The following IQSEC1 variants were observed in gnomAD, a reference collection of about 807,000 sequenced individuals.
The protein encoded by IQSEC1 is IQ motif and Sec7 domain ArfGEF 1, also known as IQ motif and SEC7 domain-containing protein 1.
A neutral mutation model predicts 91.0 loss-of-function variants in IQSEC1; 31 were observed. The observed-to-expected ratio is 0.34, with a 90% CI of 0.26 to 0.46. The LOEUF (loss-of-function observed/expected upper bound fraction) is 0.46, where lower values mean the gene tolerates loss of function less well. Ranked by LOEUF, IQSEC1 falls within the 20% of genes least tolerant of loss-of-function variation. The pLI is 1.00. For missense variants in IQSEC1, 1,388 were observed against 1,575.6 expected (o/e 0.88, Z 2.02); for synonymous variants, 699 against 662.6 (o/e 1.05, Z -0.84).
chr3:13,053,441 A>G (rs931339412), intron 1 of IQSEC1, among the ~76,000 whole-genome samples: 2 of 152,226 alleles, frequency 1.3e-5, no homozygotes, highest in African/African-American at 4.8e-5. Context: ...ACCTGGATCC[A>G]GGCCTCAGGG....
chr3:13,236,038 C>T (rs1694922843), intron 1 of IQSEC1, among the ~76,000 whole-genome samples: 1 of 152,130 alleles, frequency 6.6e-6, no homozygotes, highest in Admixed American at 6.5e-5. Flanking sequence ...TGGATCTTGC[C>T]CCATGGGGCC....
chr3:13,197,117 T>C (rs1351957729), intron 1 of IQSEC1, among the ~76,000 whole-genome samples: 1 of 152,142 alleles, frequency 6.6e-6, no homozygotes, highest in Admixed American at 6.5e-5. Flanking sequence ...CTACCTCCTC[T>C]TGGGACTGTG....
chr3:13,105,059 G>A (rs1300075054), intron 2 of IQSEC1, among the ~76,000 whole-genome samples: 1 of 152,316 alleles, frequency 6.6e-6, no homozygotes, highest in South Asian at 2.1e-4. Flanking sequence ...CAGGCCAGGG[G>A]CAGTCTGTCG....
chr3:13,243,357 G>A (rs1426015879), intron 1 of IQSEC1, among the ~76,000 whole-genome samples: 1 of 152,138 alleles, frequency 6.6e-6, no homozygotes, highest in African/African-American at 2.4e-5. Context: ...GCTGACCCTC[G>A]GACGAAGGGC....
intron 3 of IQSEC1, among the ~76,000 whole-genome samples, chr3:12,925,730 A>T (rs1399564438): frequency 1.3e-5 from 2 of 152,164 alleles, no homozygotes; most frequent in East Asian, 1.9e-4. Flanking sequence ...CTGGGCAGGG[A>T]TGTGCATAGG....
chr3:13,269,757 G>A (rs1695561282), intron 1 of IQSEC1, among the ~76,000 whole-genome samples: 2 of 152,384 alleles, frequency 1.3e-5, no homozygotes, highest in South Asian at 2.1e-4. Context: ...GCCTTGACAG[G>A]GAGAAGTGAC....
intron 2 of IQSEC1, among the ~76,000 whole-genome samples, chr3:13,105,473 T>C (rs1174558872): frequency 6.6e-6 from 1 of 152,078 alleles, no homozygotes; most frequent in African/African-American, 2.4e-5. Flanking sequence ...ACCTCTGGCT[T>C]TGAGAAAACC....
intron 1 of IQSEC1, among the ~76,000 whole-genome samples, chr3:13,030,112 TTTTTTTA>T (rs1703788837): frequency 6.6e-6 from 1 of 152,286 alleles, no homozygotes; most frequent in Admixed American, 6.5e-5. Flanking sequence ...TCTAAAATCT[TTTTTTTA>T]TACAGTCTAA....
chr3:13,250,657 C>T (rs766830734), intron 1 of IQSEC1, among the ~76,000 whole-genome samples: 2 of 151,194 alleles, frequency 1.3e-5, no homozygotes, highest in African/African-American at 4.9e-5. Context: ...AGTAGAGACA[C>T]GGTTTCGCCA....
intron 1 of IQSEC1, among the ~76,000 whole-genome samples, chr3:13,031,331 AG>A (rs1185420732): frequency 6.6e-6 from 1 of 152,242 alleles, no homozygotes; most frequent in Non-Finnish European, 1.5e-5. Context: ...CTGGTAGACA[AG>A]GGCCCCTGCC....
chr3:13,154,585 C>T (rs978629034), intron 2 of IQSEC1, among the ~76,000 whole-genome samples: 1 of 148,464 alleles, frequency 6.7e-6, no homozygotes, highest in Non-Finnish European at 1.5e-5. Context: ...ACAACCAGAC[C>T]GGAGATAAGT....
At chr3:13,121,987 G>T (rs557855419) in intron 2 of IQSEC1, among the ~76,000 whole-genome samples, 1 of 152,354 alleles carries the variant, frequency 6.6e-6, no homozygotes, top group African/African-American at 2.4e-5. Flanking sequence ...AGTTCAGGTC[G>T]GCCAGGCGCA....
In IQSEC1 at chr3:12,953,558, G is replaced by A. The variant is rs375857307; in HGVS notation, c.24-11693C>T. On this transcript the variant is annotated intron_variant, in intron 1 of 13. Coordinates refer to ENST00000613206, the MANE Select transcript of IQSEC1 (RefSeq NM_001134382.3). ...AGCGGGAGGCTATTTTTAGAGCTTTGCTGACTGATCCAACATTGAGCATCT... is the reference window on the plus strand; with the variant it reads ...AGCGGGAGGCTATTTTTAGAGCTTTACTGACTGATCCAACATTGAGCATCT... Among the ~76,000 whole-genome samples, 13 of 152,352 alleles carry A rather than the reference G, an allele frequency of 8.5e-5. 1 individual carries two copies. The highest frequency in any genetic ancestry group is 5.2e-4 in the Admixed American group (8 of 15,308).
At chr3:13,218,489 T>G (rs150444856) in intron 1 of IQSEC1, among the ~76,000 whole-genome samples, 14 of 152,330 alleles carry the variant, frequency 9.2e-5, no homozygotes, top group Middle Eastern at 3.4e-3. Context: ...AACAGAGTCT[T>G]TGGCGGGAGG....
chr3:12,987,937 T>C (rs566697094), intron 1 of IQSEC1, among the ~76,000 whole-genome samples: 1 of 152,162 alleles, frequency 6.6e-6, no homozygotes, highest in Non-Finnish European at 1.5e-5. Context: ...ATGCCCAGTG[T>C]GGGGTTGGGG....
rs1017609569 is a variant in IQSEC1 at position 12,950,434 on chromosome 3, G to A, written c.24-8569C>T. ...TGCAATCCTAGCACTTTGGGAGGCC[G>A]AGGTGGGACACTGCTTGAGGCCAGG... On this transcript the variant is annotated intron_variant, in intron 1 of 13. Coordinates refer to ENST00000613206, the MANE Select transcript of IQSEC1 (RefSeq NM_001134382.3). 3.3e-5 allele frequency among the ~76,000 whole-genome samples: 5 copies of A among 152,294 alleles called. No homozygotes were observed. In the East Asian group the frequency reaches 5.8e-4, roughly 18 times the overall value.
intron 1 of IQSEC1, among the ~76,000 whole-genome samples, chr3:13,071,863 C>T (rs1276403205): frequency 4.6e-5 from 7 of 152,008 alleles, no homozygotes; most frequent in Non-Finnish European, 1.0e-4. Context: ...CACCGCCATC[C>T]CCCGAACCAG....
intron 1 of IQSEC1, among the ~76,000 whole-genome samples, chr3:12,980,097 G>A (rs1333707557): frequency 6.6e-6 from 1 of 152,144 alleles, no homozygotes; most frequent in Non-Finnish European, 1.5e-5. Flanking sequence ...TTGGGCCCAG[G>A]AGCACCTTCT....
At chr3:13,045,002 G>A (rs1187667275) in intron 1 of IQSEC1, among the ~76,000 whole-genome samples, 6 of 152,248 alleles carry the variant, frequency 3.9e-5, no homozygotes, top group Non-Finnish European at 7.3e-5. Flanking sequence ...GGGGAACATT[G>A]ATCCTGGCCC....
Sources: gnomAD v4.1 joint callset for allele counts (sites outside exome capture counted in the v4.1 genomes callset) on GRCh38, gnomAD v4.1.1 for gene constraint, MANE v1.5 for transcripts, NCBI Gene and HGNC (gene_info 2026-07-23, HGNC 2026-07-21) for gene names.